The following USP37 variants were observed in gnomAD, a reference collection of about 807,000 sequenced individuals.
The protein encoded by USP37 is ubiquitin specific peptidase 37, also known as ubiquitin carboxyl-terminal hydrolase 37.
A neutral mutation model predicts 124.0 loss-of-function variants in USP37; 27 were observed. The observed-to-expected ratio is 0.22, with a 90% CI of 0.16 to 0.30. USP37 has a LOEUF of 0.30. Among genes scored for constraint, USP37 ranks in the 10% least tolerant of loss-of-function variants. USP37 has a pLI of 1.00. For missense variants in USP37, 889 were observed against 1,140.4 expected (o/e 0.78, Z 3.17); for synonymous variants, 365 against 388.0 (o/e 0.94, Z 0.70).
intron 11 of USP37, among the ~76,000 whole-genome samples, chr2:218,501,603 A>G (rs776562563): frequency 2.0e-5 from 3 of 152,208 alleles, no homozygotes; most frequent in Non-Finnish European, 4.4e-5. Flanking sequence ...TGTGAGTCCT[A>G]CTATTACCCA....
At chr2:218,472,458 A>ATC (rs138037400) in intron 20 of USP37, among the ~76,000 whole-genome samples, 16 of 151,002 alleles carry the variant, frequency 1.1e-4, no homozygotes, top group African/African-American at 3.2e-4. Context: ...GTCAGCCTGA[A>ATC]TCTCTCTCTC....
At chr2:218,565,980 C>T (rs115561727) in intron 1 of USP37, among the ~76,000 whole-genome samples, 2,314 of 152,062 alleles carry the variant, frequency 0.015, 46 homozygotes, top group African/African-American at 0.053. Flanking sequence ...ATTTAGGGGG[C>T]GGAGGTTGCA....
Position 218,473,858 on chromosome 2 carries a change from C to T in USP37, c.2299+772G>A, listed in dbSNP as rs13027934. ...ATGGTTAAGTGATTTCGTCTTTGTG[C>T]GAACATCTTCGAGTATATTCAACAC... On this transcript the variant is annotated intron_variant, in intron 20 of 25. Coordinates refer to ENST00000258399, the MANE Select transcript of USP37 (RefSeq NM_020935.3). Among the ~76,000 whole-genome samples, 788 of 152,240 alleles carry T rather than the reference C, an allele frequency of 5.2e-3. 6 individuals are homozygous for T. Among genetic ancestry groups the T allele is most frequent in the South Asian group, 8.3e-3 (40 of 4,820 alleles).
intron 10 of USP37, among the ~76,000 whole-genome samples, chr2:218,514,080 A>C (rs1292877886): frequency 1.3e-5 from 2 of 152,076 alleles, no homozygotes; most frequent in Non-Finnish European, 2.9e-5. Context: ...TGGCCTCCCA[A>C]AGTGCTGGGA....
chr2:218,475,798 C>T (rs1574854713), intron 19 of USP37, among the ~76,000 whole-genome samples: 2 of 151,876 alleles, frequency 1.3e-5, no homozygotes, highest in Middle Eastern at 3.4e-3. Context: ...TTGTGGTGTA[C>T]GTCTGTAATC....
At chr2:218,495,629 G>A (rs1344089936) in intron 14 of USP37, 131 bp downstream of exon 14, 1 of 1,007,046 alleles carries the variant, frequency 9.9e-7, no homozygotes, top group Non-Finnish European at 1.4e-6. Flanking sequence ...GCACCCAAGA[G>A]CCTAGGCAAC....
intron 8 of USP37, among the ~76,000 whole-genome samples, chr2:218,545,242 T>C (rs1692254313): frequency 6.6e-6 from 1 of 152,222 alleles, no homozygotes; most frequent in South Asian, 2.1e-4. Context: ...TAACCTGATA[T>C]AACCATGTGA....
At chr2:218,487,849 C>T (rs7571743) in intron 15 of USP37, among the ~76,000 whole-genome samples, 100,769 of 151,844 alleles carry the variant, frequency 0.66, 33,872 homozygotes, top group East Asian at 0.9. Context: ...TAATAATTTA[C>T]AAAAACTTCT....
chr2:218,537,042 T>C (rs1691688887), intron 8 of USP37, among the ~76,000 whole-genome samples: 1 of 152,218 alleles, frequency 6.6e-6, no homozygotes, highest in Non-Finnish European at 1.5e-5. Context: ...TAGATAATGA[T>C]GACGTAATAT....
chr2:218,494,658 A>C (rs935567143), intron 14 of USP37, among the ~76,000 whole-genome samples: 14 of 152,208 alleles, frequency 9.2e-5, no homozygotes, highest in Admixed American at 4.6e-4. Flanking sequence ...AAAGTCATAG[A>C]AATAATTCTC....
intron 10 of USP37, among the ~76,000 whole-genome samples, chr2:218,526,826 T>C (rs1209083053): frequency 3.1e-5 from 4 of 130,110 alleles, no homozygotes; most frequent in Admixed American, 8.9e-5. Context: ...TCTTGCTCTG[T>C]CGCCCAGGCT....
At position 218,474,700 on chromosome 2, in the gene USP37, A is replaced by G; in HGVS notation, c.2229T>C (p.Asp743=). 1 of 1,614,162 alleles carries G rather than the reference A, an allele frequency of 6.2e-7. No homozygotes were observed. ...TSSPDTGFAE[D]DIQEMPENPD... is the part of the protein sequence containing the mutation. Reference sequence around the variant, plus strand: ...GATTTTCTGGCATTTCTTGAATATCATCTTCTGCAAATCCGGTATCTGGGC... The same window carrying G: ...GATTTTCTGGCATTTCTTGAATATCGTCTTCTGCAAATCCGGTATCTGGGC... The change falls in exon 20 of 26, where the codon GAT becomes GAC. Residue 743 remains aspartate, a synonymous_variant. Coordinates refer to ENST00000258399, the MANE Select transcript of USP37 (RefSeq NM_020935.3).
intron 8 of USP37, among the ~76,000 whole-genome samples, chr2:218,542,015 T>C (rs1692002695): frequency 6.6e-6 from 1 of 152,082 alleles, no homozygotes; most frequent in Non-Finnish European, 1.5e-5. Flanking sequence ...CCAAAGATGG[T>C]CCAGTATGGA....
At chr2:218,539,300 C>G (rs976093930) in intron 8 of USP37, among the ~76,000 whole-genome samples, 24 of 152,166 alleles carry the variant, frequency 1.6e-4, no homozygotes, top group Non-Finnish European at 2.9e-4. Context: ...TGTACTGTGG[C>G]TGCACTTTTG....
chr2:218,532,970 T>C lies in USP37; in HGVS notation c.778+1639A>G, dbSNP rs528344009. On this transcript the variant is annotated intron_variant, in intron 9 of 25. Coordinates refer to ENST00000258399, the MANE Select transcript of USP37 (RefSeq NM_020935.3). ...TTTATTATTATTTTTTTTTTAGACA[T>C]AATGCTATTGCACACTTAACTGACT... Among the ~76,000 whole-genome samples the C allele has an allele frequency of 7.2e-5, 11 of 151,882 alleles. No individual in the cohort carries two copies. The East Asian group carries it at 2.1e-3, about 29-fold the overall frequency.
chr2:218,503,487 G>A (rs994294707), intron 11 of USP37, among the ~76,000 whole-genome samples: 1 of 152,134 alleles, frequency 6.6e-6, no homozygotes, highest in Non-Finnish European at 1.5e-5. Context: ...AGGCCGAGGC[G>A]GGCAGATCAC....
Position 218,516,581 on chromosome 2 carries a change from C to T in USP37, c.864-6441G>A, listed in dbSNP as rs538327539. Among the ~76,000 whole-genome samples the T allele has an allele frequency of 1.4e-3, 213 of 152,206 alleles. 1 individual carries two copies. The highest frequency in any genetic ancestry group is 2.4e-3 in the Non-Finnish European group (166 of 68,020). On this transcript the variant is annotated intron_variant, in intron 10 of 25. Transcript: ENST00000258399. ...GGGAGGGAGAGCATTAGGACAAATACCTAATGCATGCAGGGCTTAAAACCT... is the reference window on the plus strand; with the variant it reads ...GGGAGGGAGAGCATTAGGACAAATATCTAATGCATGCAGGGCTTAAAACCT...
chr2:218,538,745 G>T (rs1350928508), intron 8 of USP37, among the ~76,000 whole-genome samples: 1 of 152,084 alleles, frequency 6.6e-6, no homozygotes, highest in Non-Finnish European at 1.5e-5. Context: ...GATTATGTCA[G>T]ATTTTTTCCA....
At chr2:218,549,551 A>G (rs1692549160) in intron 6 of USP37, among the ~76,000 whole-genome samples, 1 of 143,758 alleles carries the variant, frequency 7.0e-6, no homozygotes, top group African/African-American at 2.6e-5. Flanking sequence ...TACAACCTCC[A>G]CCTCCTGGGT....
Sources: allele counts gnomAD v4.1 joint callset (sites outside exome capture counted in the v4.1 genomes callset), GRCh38; gene constraint gnomAD v4.1.1; transcripts MANE v1.5; gene names NCBI Gene and HGNC (gene_info 2026-07-23, HGNC 2026-07-21).